Variants in SERPINF2 observed in about 807,000 individuals in gnomAD.
SERPINF2 encodes the protein alpha-2-antiplasmin.
A neutral mutation model predicts 45.0 loss-of-function variants in SERPINF2; 15 were observed. The ratio of observed to expected loss-of-function variants is 0.33; its 90% confidence interval spans 0.22 to 0.51. SERPINF2 has a LOEUF of 0.51. Ranked by LOEUF, SERPINF2 falls within the 20% of genes least tolerant of loss-of-function variation. SERPINF2 has a pLI of 0.97. For synonymous variants in SERPINF2, 283 were observed against 277.9 expected (o/e 1.02, Z -0.18); for missense variants, 518 against 637.4 (o/e 0.81, Z 2.02).
intron 1 of SERPINF2, among the ~76,000 whole-genome samples, chr17:1,744,258 C>T (rs897840676): frequency 4.6e-5 from 7 of 151,294 alleles, no homozygotes; most frequent in Non-Finnish European, 5.9e-5. Context: ...TTTGGGAGGC[C>T]GAGGCAGGAG....
chr17:1,752,496 C>A, intron 8 of SERPINF2, 90 bp from the exon 9 acceptor site: 1 of 1,153,580 alleles, frequency 8.7e-7, no homozygotes, highest in Non-Finnish European at 1.3e-6. Flanking sequence ...CCAGGAGCCC[C>A]ATTGTCTGCC....
intron 1 of SERPINF2, among the ~76,000 whole-genome samples, chr17:1,743,857 C>A (rs190276098): frequency 6.6e-6 from 1 of 151,692 alleles, no homozygotes; most frequent in Non-Finnish European, 1.5e-5. Flanking sequence ...CCCCAGCCAT[C>A]GGGGGAGTGC....
In SERPINF2 at chr17:1,748,608, G is replaced by A. The variant is rs773552334; in HGVS notation, c.726G>A (p.Arg242=). ...LNAIHFQGFW[R]NKFDPSLTQR... is the part of the protein sequence containing the mutation. ...TCTGCTGGGTTTCAGGTTTCTGGAG[G>A]AACAAGTTTGACCCGAGCCTTACCC... The change falls in exon 8 of 10, where the codon AGG becomes AGA. Residue 242 remains arginine, a synonymous_variant. Transcript: ENST00000453066. 6.2e-7 allele frequency: 1 copy of A among 1,613,820 alleles called. No homozygotes were observed. Among genetic ancestry groups the A allele is most frequent in the Non-Finnish European group, 8.5e-7 (1 of 1,180,048 alleles).
chr17:1,745,904 C>T lies in SERPINF2; in HGVS notation c.362C>T (p.Ala121Val), dbSNP rs750775266. The change falls in exon 5 of 10, where the codon GCA (alanine) becomes GTA (valine). Residue 121 changes from alanine (A) to valine (V), a missense_variant. Ala to Val is a moderately conservative substitution (Grantham distance 64). Coordinates refer to ENST00000453066, the MANE Select transcript of SERPINF2 (RefSeq NM_000934.4). The surrounding 1 kb of genome is among the most constrained non-coding windows in gnomAD (Gnocchi z 6.2). Reference sequence around the variant, plus strand: ...GTGGCCCTGGCGCTGTCTCACCTGGCACTAGGTACCCTGGCACCACTTGTC... The same window carrying T: ...GTGGCCCTGGCGCTGTCTCACCTGGTACTAGGTACCCTGGCACCACTTGTC... Reference protein sequence around the residue: ...LSVALALSHLALGAQNHTLQR... With the variant: ...LSVALALSHLVLGAQNHTLQR... 1.2e-6 allele frequency: 2 copies of T among 1,613,874 alleles called. No homozygotes were observed. The highest frequency in any genetic ancestry group is 2.2e-5 in the East Asian group (1 of 44,866).
rs60292203 is a variant in SERPINF2 at position 1,747,559 on chromosome 17, G to A, written c.715+47G>A. The stretch of plus-strand genomic sequence containing the variant: ...ATCCCCCACCCTGTAGGCTGAGCTG[G>A]GACGTGCAGGCCTTTTTGTTTTTTG... On this transcript the variant is annotated intron_variant, in intron 7 of 9. Transcript: ENST00000453066. The A allele has an allele frequency of 9.1e-3, 14,461 of 1,582,632 alleles. 177 individuals are homozygous for A. Among genetic ancestry groups the A allele is most frequent in the East Asian group, 0.061 (2,662 of 43,782 alleles).
In SERPINF2 at chr17:1,746,864, G is replaced by A. The variant is rs116272416; in HGVS notation, c.368-155G>A. 3.1e-3 allele frequency among the ~76,000 whole-genome samples: 475 copies of A among 152,312 alleles called. 3 individuals are homozygous for A. Among genetic ancestry groups the A allele is most frequent in the African/African-American group, 0.011 (457 of 41,582 alleles). The stretch of plus-strand genomic sequence containing the variant: ...GAGGTCACCCAGCCTGTCAGCCACA[G>A]GGGTGAGAGCCACGCAGAACAGATC... On this transcript the variant is annotated intron_variant, in intron 5 of 9. Transcript: ENST00000453066.
At position 1,752,643 on chromosome 17, in the gene SERPINF2, T is replaced by G; in HGVS notation, c.916T>G (p.Phe306Val). Reference protein sequence around the residue: ...MSFVVLVPTHFEWNVSQVLAN... With the variant: ...MSFVVLVPTHVEWNVSQVLAN... ...CTTTGTGGTCCTTGTACCCACCCAC[T>G]TTGAATGGAACGTGTCCCAGGTACT... The change falls in exon 9 of 10, where the codon TTT becomes GTT. Residue 306 changes from phenylalanine to valine, a missense_variant. Transcript: ENST00000453066. The G allele has an allele frequency of 6.2e-7, 1 of 1,614,204 alleles. No homozygotes were observed. Among genetic ancestry groups the G allele is most frequent in the Non-Finnish European group, 8.5e-7 (1 of 1,180,028 alleles).
rs189035843 is a variant in SERPINF2 at position 1,754,831 on chromosome 17, A to G, written c.*297A>G. On this transcript the variant is annotated 3_prime_UTR_variant, in exon 10 of 10. Transcript: ENST00000453066. ...TTCTAGTTCTGCCAGGAGACAGGTT[A>G]GCTGCTCCCCACGTCAGCTGGGACA... 4.5e-4 allele frequency: 220 copies of G among 484,592 alleles called. 2 individuals carry two copies. The highest frequency in any genetic ancestry group is 3.8e-3 in the African/African-American group (193 of 50,932). The allele number at this position is 484,592 out of a possible 1,614,324, so 30.0% of individuals were successfully genotyped here.
intron 9 of SERPINF2, among the ~76,000 whole-genome samples, chr17:1,753,708 AATAAAT>A (rs1906586406): frequency 6.6e-6 from 1 of 152,156 alleles, no homozygotes. Flanking sequence ...TAATAACTAA[AATAAAT>A]AAATAAAGCA....
chr17:1,747,597 C>A, intron 7 of SERPINF2, 85 bp downstream of exon 7: 1 of 1,437,790 alleles, frequency 7.0e-7, no homozygotes, highest in Non-Finnish European at 9.6e-7. Context: ...ACAAGTCTCG[C>A]TCTGTCACCC....
At chr17:1,751,805 C>T (rs1351283852) in intron 8 of SERPINF2, among the ~76,000 whole-genome samples, 2 of 131,208 alleles carry the variant, frequency 1.5e-5, no homozygotes, top group African/African-American at 5.1e-5. Context: ...TATATTTACA[C>T]AGCTGGCAAA....
rs565229249 is a variant in SERPINF2 at position 1,754,636 on chromosome 17, C to T, written c.*102C>T. On this transcript the variant is annotated 3_prime_UTR_variant, in exon 10 of 10. Coordinates refer to ENST00000453066, the MANE Select transcript of SERPINF2 (RefSeq NM_000934.4). ...GTGGCACTGGGGCAGGGGCCGGGGGCAGTCTGAGAGAGGCCATTCTTTCCC... is the reference window on the plus strand; with the variant it reads ...GTGGCACTGGGGCAGGGGCCGGGGGTAGTCTGAGAGAGGCCATTCTTTCCC... 1.2e-5 allele frequency: 15 copies of T among 1,210,962 alleles called. No homozygotes were observed. In the East Asian group the frequency reaches 4.5e-4, roughly 37 times the overall value. 75.0% of individuals were successfully genotyped at this position (1,210,962 alleles called of 1,614,324 possible).
chr17:1,752,889 T>G (rs1906517570), intron 9 of SERPINF2, 99 bp downstream of exon 9: 6 of 1,034,860 alleles, frequency 5.8e-6, no homozygotes, highest in Non-Finnish European at 8.6e-6. Context: ...AGAGCTGTCC[T>G]GTGTCCTGCT....
chr17:1,752,497 A>G (rs959690312), intron 8 of SERPINF2, 89 bp from the exon 9 acceptor site: 1 of 1,173,478 alleles, frequency 8.5e-7, no homozygotes, highest in African/African-American at 1.5e-5. Flanking sequence ...CAGGAGCCCC[A>G]TTGTCTGCCT....
chr17:1,752,659 C>T lies in SERPINF2; in HGVS notation c.932C>T (p.Ser311Phe). The T allele has an allele frequency of 1.2e-6, 2 of 1,614,198 alleles. No homozygotes were observed. Among genetic ancestry groups the T allele is most frequent in the Non-Finnish European group, 1.7e-6 (2 of 1,180,036 alleles). Residue 311 changes from serine (S) to phenylalanine (F), a missense_variant, in exon 9 of 10, where the codon TCC (serine) becomes TTC (phenylalanine). Around this residue, in one of 2 missense-constraint regions of SERPINF2, gnomAD observed 435 missense variants for 577.3 expected, o/e 0.75. Transcript: ENST00000453066. ...LVPTHFEWNV[S>F]QVLANLSWDT... The stretch of plus-strand genomic sequence containing the variant: ...CCCACCCACTTTGAATGGAACGTGT[C>T]CCAGGTACTGGCCAACCTGAGTTGG...
chr17:1,745,618 G>C lies in SERPINF2; in HGVS notation c.166-90G>C. 7.3e-7 allele frequency: 1 copy of C among 1,373,022 alleles called. No homozygotes were observed. Among genetic ancestry groups the C allele is most frequent in the Non-Finnish European group, 1.0e-6 (1 of 977,590 alleles). 85.1% of individuals were successfully genotyped at this position (1,373,022 alleles called of 1,614,324 possible). ...CCTGGGGCTGGGACAAGGCCCTGCTGTCCTCAGGCACAGGGGCTGTGACAA... is the reference window on the plus strand; with the variant it reads ...CCTGGGGCTGGGACAAGGCCCTGCTCTCCTCAGGCACAGGGGCTGTGACAA... On this transcript the variant is annotated intron_variant, in intron 4 of 9. Transcript: ENST00000453066. This position sits in a 1 kb window ranked among gnomAD's most constrained non-coding sequence, Gnocchi z 6.2.
In SERPINF2 at chr17:1,748,600, T is replaced by G. The variant is rs1414060025; in HGVS notation, c.718T>G (p.Phe240Val). The change falls in exon 8 of 10, where the codon TTC (phenylalanine) becomes GTC (valine). Residue 240 changes from phenylalanine to valine, a missense_variant and splice_region_variant. This residue lies in a region of SERPINF2 where 435 missense variants were observed against 577.3 expected (regional missense o/e 0.75). Coordinates refer to ENST00000453066, the MANE Select transcript of SERPINF2 (RefSeq NM_000934.4). Reference sequence around the variant, plus strand: ...CCCTGCCCTCTGCTGGGTTTCAGGTTTCTGGAGGAACAAGTTTGACCCGAG... The same window carrying G: ...CCCTGCCCTCTGCTGGGTTTCAGGTGTCTGGAGGAACAAGTTTGACCCGAG... ...LLLNAIHFQG[F>V]WRNKFDPSLT... The G allele has an allele frequency of 6.2e-7, 1 of 1,613,514 alleles. No individual in the cohort carries two copies. The highest frequency in any genetic ancestry group is 8.5e-7 in the Non-Finnish European group (1 of 1,180,046).
chr17:1,746,257 C>T (rs1481379838), intron 5 of SERPINF2, among the ~76,000 whole-genome samples: 3 of 151,808 alleles, frequency 2.0e-5, no homozygotes, highest in Admixed American at 6.6e-5. Flanking sequence ...TTGGAGGTTA[C>T]AGTGAGCCGA....
At position 1,745,208 on chromosome 17, in the gene SERPINF2, C is replaced by T. The variant is rs2070863; in HGVS notation, c.97C>T (p.Arg33Trp). 354,475 of 1,553,220 alleles carry T rather than the reference C, an allele frequency of 0.23. 41,715 individuals carry two copies. Among genetic ancestry groups the T allele is most frequent in the South Asian group, 0.38 (33,059 of 86,230 alleles). Residue 33 changes from arginine to tryptophan, a missense_variant, in exon 3 of 10, where the codon CGG (arginine) becomes TGG (tryptophan). Arg to Trp is a moderately radical substitution (Grantham distance 101). This residue lies in a region of SERPINF2 where 435 missense variants were observed against 577.3 expected (regional missense o/e 0.75). Transcript: ENST00000453066. The surrounding 1 kb of genome is among the most constrained non-coding windows in gnomAD (Gnocchi z 6.2). ...TGTGAGCGCCATGGAGCCCTTGGGC[C>T]GGCAGGTACTGGGGAGTGAGGAGCC... ...SPVSAMEPLG[R>W]QLTSGPNQEQ...
Sources: allele counts gnomAD v4.1 joint callset (sites outside exome capture counted in the v4.1 genomes callset), GRCh38; gene constraint gnomAD v4.1.1; regional missense constraint gnomAD v4.1.1; non-coding constraint Gnocchi (gnomAD v3.1); transcripts MANE v1.5; gene names NCBI Gene and HGNC (gene_info 2026-07-23, HGNC 2026-07-21).